ARPC1B: variants seen among roughly 807,000 people sequenced by gnomAD.
ARPC1B encodes the protein actin related protein 2/3 complex subunit 1B.
In ARPC1B, 29 loss-of-function variants were observed where a neutral mutation model predicts 46.0. The ratio of observed to expected loss-of-function variants is 0.63; its 90% CI spans 0.47 to 0.86. ARPC1B has a LOEUF of 0.86. Ranked by LOEUF, ARPC1B falls within the 40% of genes least tolerant of loss-of-function variation. The pLI is 0.00. For missense variants in ARPC1B, 469 were observed against 529.4 expected (o/e 0.89, Z 1.12); for synonymous variants, 201 against 213.9 (o/e 0.94, Z 0.53).
rs4765 is a variant in ARPC1B, at chr7:99,386,776, C to T, written c.156C>T (p.Asn52=). ...WTKVHELKEH[N]GQVTGIDWAP... is the part of the protein sequence containing the mutation. ...AGGTGCACGAGCTCAAGGAGCACAA[C>T]GGGCAGGTGACAGGTATGTCAGGGT... The change falls in exon 3 of 10, where the codon AAC becomes AAT. Residue 52 remains asparagine, a synonymous_variant. Transcript: ENST00000646101. 0.092 allele frequency: 148,657 copies of T among 1,612,940 alleles called. 18,336 individuals are homozygous for T. The highest frequency in any genetic ancestry group is 0.61 in the African/African-American group (45,962 of 74,856).
At chr7:99,391,929 A>AT (rs1352209734) in intron 7 of ARPC1B, 1 of 151,978 alleles carries the variant, frequency 6.6e-6, no homozygotes, top group African/African-American at 2.4e-5. Flanking sequence ...GTGGGCGCCC[A>AT]TGGTCCCAGC....
At position 99,389,916 on chromosome 7, in the gene ARPC1B, A is replaced by G; in HGVS notation, c.404A>G (p.Lys135Arg). ...FEQENDWWVCKHIKKPIRSTV... is the reference protein window; with the variant it reads ...FEQENDWWVCRHIKKPIRSTV... ...ACCACCGTTCCCAGGTGGGTTTGCA[A>G]GCACATCAAGAAGCCCATCCGCTCC... The change falls in exon 5 of 10, where the codon AAG (lysine) becomes AGG (arginine). Residue 135 changes from lysine (K) to arginine (R), a missense_variant. Transcript: ENST00000646101. 6.2e-7 allele frequency: 1 copy of G among 1,614,002 alleles called. No individual in the cohort carries two copies. Among genetic ancestry groups the G allele is most frequent in the Non-Finnish European group, 8.5e-7 (1 of 1,179,930 alleles).
intron 3 of ARPC1B, among the ~76,000 whole-genome samples, chr7:99,387,290 C>T (rs1179138573): frequency 2.6e-5 from 4 of 151,956 alleles, no homozygotes; most frequent in East Asian, 1.9e-4. Flanking sequence ...AGAAATTAGC[C>T]GGGTGTGGTG....
At chr7:99,383,169 A>C (rs1794280791) in intron 1 of ARPC1B, among the ~76,000 whole-genome samples, 1 of 151,980 alleles carries the variant, frequency 6.6e-6, no homozygotes, top group Non-Finnish European at 1.5e-5. Flanking sequence ...TGTAATGATA[A>C]TATTTTTGAG....
At chr7:99,387,155 T>G (rs769206521) in intron 3 of ARPC1B, among the ~76,000 whole-genome samples, 3 of 152,174 alleles carry the variant, frequency 2.0e-5, no homozygotes, top group Non-Finnish European at 4.4e-5. Flanking sequence ...AAAAAGTGCT[T>G]GCTGGGCCGG....
chr7:99,392,951 C>G, intron 8 of ARPC1B, 75 bp downstream of exon 8: 1 of 1,397,306 alleles, frequency 7.2e-7, no homozygotes, highest in Non-Finnish European at 9.6e-7. Flanking sequence ...GAGGAAGGGG[C>G]CTGGAGTCTT....
chr7:99,394,344 T>C (rs1238045230), intron 9 of ARPC1B, 107 bp from the exon 10 acceptor site: 42 of 1,153,046 alleles, frequency 3.6e-5, no homozygotes, highest in Non-Finnish European at 5.2e-5. Flanking sequence ...AAACTGCAGG[T>C]TCTCTGCCCT....
At chr7:99,392,600 G>A in intron 7 of ARPC1B, 71 bp from the exon 8 acceptor site, 2 of 1,372,054 alleles carry the variant, frequency 1.5e-6, no homozygotes, top group East Asian at 2.8e-5. Context: ...GCGGCCAGAC[G>A]CCCGCCTGGC....
At chr7:99,374,381 C>T (rs755512983), upstream of ARPC1B, 8 of 152,154 alleles carry the variant, frequency 5.3e-5, no homozygotes, top group Non-Finnish European at 1.2e-4. This position sits in a 1 kb window ranked among gnomAD's most constrained non-coding sequence, Gnocchi z 5.0. Context: ...GCCGTCCGGG[C>T]TCAGAGGACG....
At chr7:99,378,593 G>T (rs1440184426) in intron 1 of ARPC1B, among the ~76,000 whole-genome samples, 1 of 151,008 alleles carries the variant, frequency 6.6e-6, no homozygotes, top group African/African-American at 2.4e-5. Flanking sequence ...TGAGACAGGA[G>T]AATTGCTTGA....
At chr7:99,382,326 C>T (rs978540541) in intron 1 of ARPC1B, among the ~76,000 whole-genome samples, 1 of 149,046 alleles carries the variant, frequency 6.7e-6, no homozygotes, top group Non-Finnish European at 1.5e-5. Flanking sequence ...CCCAGCTACT[C>T]AGGAGGCGGA....
intron 4 of ARPC1B, 66 bp downstream of exon 4, chr7:99,388,327 GA>G: frequency 6.6e-7 from 1 of 1,512,286 alleles, no homozygotes; most frequent in East Asian, 2.3e-5. Context: ...GTGTCCCCGG[GA>G]AGCACCAAAT....
At chr7:99,387,914 G>A in intron 3 of ARPC1B, 125 bp from the exon 4 acceptor site, 1 of 621,656 alleles carries the variant, frequency 1.6e-6, no homozygotes, top group Non-Finnish European at 2.9e-6. Flanking sequence ...AAAAAAAAAA[G>A]TGCCTGCTGG....
chr7:99,392,986 C>A (rs925971185), intron 8 of ARPC1B, 110 bp downstream of exon 8: 32 of 1,176,332 alleles, frequency 2.7e-5, no homozygotes, highest in Non-Finnish European at 3.6e-5. Flanking sequence ...GTGCTGGGAC[C>A]TTGAGGACTG....
intron 5 of ARPC1B, among the ~76,000 whole-genome samples, chr7:99,390,545 T>G (rs1330309076): frequency 6.6e-6 from 1 of 151,520 alleles, no homozygotes; most frequent in Admixed American, 6.6e-5. Context: ...CCCGGCTAAT[T>G]TTTGTATTTT....
intron 8 of ARPC1B, among the ~76,000 whole-genome samples, chr7:99,393,521 C>T (rs1298680236): frequency 6.6e-6 from 1 of 151,916 alleles, no homozygotes; most frequent in Non-Finnish European, 1.5e-5. Flanking sequence ...TCTCCGCAGC[C>T]TTCTATGGAT....
intron 1 of ARPC1B, among the ~76,000 whole-genome samples, chr7:99,384,458 C>A (rs1339808742): frequency 6.6e-6 from 1 of 152,164 alleles, no homozygotes; most frequent in African/African-American, 2.4e-5. Flanking sequence ...CACAGTGGCA[C>A]ATGCTTGTAA....
At chr7:99,375,386 G>C (rs1223687373) in intron 1 of ARPC1B, among the ~76,000 whole-genome samples, 3 of 152,174 alleles carry the variant, frequency 2.0e-5, no homozygotes, top group African/African-American at 7.2e-5. Context: ...CAGGTCCGAG[G>C]GGTCCCGTAC....
At chr7:99,384,003 G>A (rs1434645582) in intron 1 of ARPC1B, 1 of 152,314 alleles carries the variant, frequency 6.6e-6, no homozygotes, top group African/African-American at 2.4e-5. Context: ...GATGTGTCCC[G>A]GGGCATGTGG....
Sources: allele counts gnomAD v4.1 joint callset (sites outside exome capture counted in the v4.1 genomes callset), GRCh38; gene constraint gnomAD v4.1.1; non-coding constraint Gnocchi (gnomAD v3.1); transcripts MANE v1.5; gene names NCBI Gene and HGNC (gene_info 2026-07-23, HGNC 2026-07-21).